ST13: variants seen among roughly 807,000 people sequenced by gnomAD.
The protein encoded by ST13 is hsc70-interacting protein.
Under a neutral mutation model 56.7 loss-of-function variants are expected in ST13, and 23 were observed. That is an observed-to-expected ratio of 0.41 (90% confidence interval 0.29 to 0.57). The LOEUF (loss-of-function observed/expected upper bound fraction) is 0.57, where lower values mean the gene tolerates loss of function less well. ST13 is among the 20% of genes least tolerant of loss of function. ST13 has a pLI of 0.36. For synonymous variants in ST13, 132 were observed against 142.4 expected, an observed-to-expected ratio of 0.93 and a Z score of 0.52; for missense variants, 369 against 459.9, an observed-to-expected ratio of 0.80 and a Z score of 1.81.
Position 40,855,914 on chromosome 22 carries a change from C to G in ST13, c.110+517G>C, listed in dbSNP as rs186128365. The stretch of plus-strand genomic sequence containing the variant: ...ATAAGTGATTCTCAAGATAATTAAT[C>G]CTACGCAGCTACAAACGCTGTAAGG... On this transcript the variant is annotated intron_variant, in intron 1 of 11. Transcript: ENST00000216218. Among the ~76,000 whole-genome samples the G allele has an allele frequency of 3.4e-3, 508 of 149,220 alleles. 1 individual carries two copies. Among genetic ancestry groups the G allele is most frequent in the South Asian group, 0.013 (62 of 4,830 alleles).
chr22:40,854,030 T>C (rs2057875521), intron 1 of ST13, among the ~76,000 whole-genome samples: 1 of 152,240 alleles, frequency 6.6e-6, no homozygotes, highest in African/African-American at 2.4e-5. Context: ...GTTAAACTAA[T>C]AAATCCTTAT....
At chr22:40,851,732 G>C (rs2057862251) in intron 1 of ST13, among the ~76,000 whole-genome samples, 1 of 150,744 alleles carries the variant, frequency 6.6e-6, no homozygotes, top group East Asian at 1.9e-4. Context: ...TATTAACTTT[G>C]AAAACAGAAA....
chr22:40,853,360 T>A (rs536544659), intron 1 of ST13, among the ~76,000 whole-genome samples: 55 of 148,894 alleles, frequency 3.7e-4, no homozygotes, highest in African/African-American at 1.2e-3. Flanking sequence ...ATAAAAACTT[T>A]AAAAAAAAAA....
At chr22:40,845,391 T>C (rs2057825864) in intron 3 of ST13, among the ~76,000 whole-genome samples, 1 of 152,086 alleles carries the variant, frequency 6.6e-6, no homozygotes, top group African/African-American at 2.4e-5. Context: ...GATCTTACTA[T>C]GTTGTCCAAG....
intron 5 of ST13, 130 bp from the exon 6 acceptor site, chr22:40,836,017 G>A: frequency 1.4e-6 from 1 of 715,250 alleles, no homozygotes; most frequent in Non-Finnish European, 2.2e-6. Context: ...AGACAACTAA[G>A]TTATACTAAA....
intron 1 of ST13, among the ~76,000 whole-genome samples, chr22:40,851,773 T>C (rs1415863285): frequency 2.0e-5 from 3 of 148,256 alleles, no homozygotes; most frequent in African/African-American, 7.5e-5. Context: ...TGAGATGGAG[T>C]CTTGCTCTGT....
chr22:40,829,710 G>A (rs530020567), intron 9 of ST13, 36 bp from the exon 10 acceptor site: 3 of 1,249,524 alleles, frequency 2.4e-6, no homozygotes, highest in South Asian at 3.7e-5. Context: ...TATAATAGAA[G>A]AAGAAATAAG....
intron 4 of ST13, among the ~76,000 whole-genome samples, chr22:40,843,609 C>T (rs2057815528): frequency 6.6e-6 from 1 of 152,050 alleles, no homozygotes; most frequent in Non-Finnish European, 1.5e-5. Flanking sequence ...GCAATTATAA[C>T]CTCAAAGTAA....
At chr22:40,854,214 C>G (rs1462721458) in intron 1 of ST13, among the ~76,000 whole-genome samples, 1 of 152,196 alleles carries the variant, frequency 6.6e-6, no homozygotes, top group Non-Finnish European at 1.5e-5. Flanking sequence ...TCAGCCCCAT[C>G]TGCCACAATC....
chr22:40,844,691 G>C, intron 4 of ST13, 148 bp downstream of exon 4: 1 of 639,008 alleles, frequency 1.6e-6, no homozygotes, highest in Non-Finnish European at 2.7e-6. Flanking sequence ...ATTTTAAGTA[G>C]TAAAATACAA....
intron 3 of ST13, 92 bp downstream of exon 3, chr22:40,848,202 A>G: frequency 1.2e-6 from 1 of 860,630 alleles, no homozygotes; most frequent in Non-Finnish European, 2.0e-6. Context: ...TTATATTTCT[A>G]TTACACAGTG....
intron 7 of ST13, among the ~76,000 whole-genome samples, chr22:40,833,064 G>A (rs1008614714): frequency 2.6e-4 from 40 of 152,146 alleles, no homozygotes; most frequent in African/African-American, 9.4e-4. Flanking sequence ...CAGGCTTTAC[G>A]AAAAACTCAG....
At chr22:40,856,029 T>C (rs1569008024) in intron 1 of ST13, among the ~76,000 whole-genome samples, 1 of 152,120 alleles carries the variant, frequency 6.6e-6, no homozygotes, top group Non-Finnish European at 1.5e-5. Flanking sequence ...TAACACGACG[T>C]AAAGGAATAG....
At chr22:40,835,421 C>A (rs2057772530) in intron 7 of ST13, 139 bp downstream of exon 7, 3 of 647,998 alleles carry the variant, frequency 4.6e-6, no homozygotes, top group Admixed American at 2.6e-5. Context: ...TACAAGCTAT[C>A]TCACTTCTTG....
intron 4 of ST13, among the ~76,000 whole-genome samples, chr22:40,841,813 G>A (rs115830146): frequency 1.3e-5 from 2 of 151,428 alleles, no homozygotes; most frequent in Non-Finnish European, 2.9e-5. Flanking sequence ...GGCTGGTCTA[G>A]AACTCTTGGA....
intron 1 of ST13, among the ~76,000 whole-genome samples, chr22:40,854,982 T>C (rs1056423469): frequency 1.3e-5 from 2 of 152,174 alleles, no homozygotes; most frequent in Non-Finnish European, 2.9e-5. Flanking sequence ...GAATTTCACA[T>C]ATAAGTAAGT....
At chr22:40,832,701 C>G (rs781306910) in intron 7 of ST13, 30 bp from the exon 8 acceptor site, 18 of 1,490,178 alleles carry the variant, frequency 1.2e-5, no homozygotes, top group East Asian at 1.1e-4. Context: ...ATTTTAGGAG[C>G]CTTTTATACA....
At chr22:40,829,720 G>A (rs1239711180) in intron 9 of ST13, 46 bp from the exon 10 acceptor site, 1 of 1,161,586 alleles carries the variant, frequency 8.6e-7, no homozygotes, top group East Asian at 2.7e-5. Flanking sequence ...GAAGAAATAA[G>A]TGCTGTCCAT....
chr22:40,851,371 T>G lies in ST13; in HGVS notation c.111-491A>C, dbSNP rs555464573. 1.9e-3 allele frequency among the ~76,000 whole-genome samples: 294 copies of G among 152,350 alleles called. 3 individuals are homozygous for G. The highest frequency in any genetic ancestry group is 6.3e-3 in the African/African-American group (261 of 41,588). On this transcript the variant is annotated intron_variant, in intron 1 of 11. Coordinates refer to ENST00000216218, the MANE Select transcript of ST13 (RefSeq NM_003932.5). ...GACTGAGACCTATGAGAATTTTTCT[T>G]GCTTATATTTGCATGCCCATCACAT... is the stretch of plus-strand genomic sequence containing the variant.
Sources: allele counts gnomAD v4.1 joint callset (sites outside exome capture counted in the v4.1 genomes callset), GRCh38; gene constraint gnomAD v4.1.1; transcripts MANE v1.5; gene names NCBI Gene and HGNC (gene_info 2026-07-23, HGNC 2026-07-21).